Variants in FRYL observed in about 807,000 individuals in gnomAD.
FRYL encodes FRY like transcription coactivator.
FRYL carries 150 observed loss-of-function variants against 351.2 expected under a neutral mutation model. That is an observed-to-expected ratio of 0.43 (90% CI 0.37 to 0.49). The LOEUF (loss-of-function observed/expected upper bound fraction) is 0.49. Ranked by LOEUF, FRYL falls within the 20% of genes least tolerant of loss-of-function variation. FRYL has a pLI of 0.00. For synonymous variants in FRYL, 1,153 were observed against 1,257.1 expected, an observed-to-expected ratio of 0.92 and a Z score of 1.75; for missense variants, 3,036 against 3,619.3, an observed-to-expected ratio of 0.84 and a Z score of 4.13.
chr4:48,548,841 C>A, intron 39 of FRYL, 48 bp from the exon 40 acceptor site: 2 of 1,063,410 alleles, frequency 1.9e-6, no homozygotes, highest in Non-Finnish European at 2.8e-6. Context: ...TCTCAGTAAA[C>A]CTAGAGAGAA....
At chr4:48,675,760 T>G (rs975244730) in intron 3 of FRYL, among the ~76,000 whole-genome samples, 1 of 152,212 alleles carries the variant, frequency 6.6e-6, no homozygotes, top group Non-Finnish European at 1.5e-5. Flanking sequence ...CAGCTCCACC[T>G]GCAGCCCCTG....
At chr4:48,657,904 G>C (rs1266913437) in intron 3 of FRYL, among the ~76,000 whole-genome samples, 1 of 152,198 alleles carries the variant, frequency 6.6e-6, no homozygotes, top group African/African-American at 2.4e-5. Context: ...CAACGAGTTA[G>C]AAAGTAGGTT....
intron 2 of FRYL, among the ~76,000 whole-genome samples, chr4:48,705,067 G>A (rs900830554): frequency 2.0e-5 from 3 of 152,058 alleles, no homozygotes; most frequent in African/African-American, 7.2e-5. Flanking sequence ...GTTGCAGTGA[G>A]CCGAGATCAT....
intron 1 of FRYL, among the ~76,000 whole-genome samples, chr4:48,770,092 T>G (rs1045755512): frequency 6.6e-6 from 1 of 152,174 alleles, no homozygotes; most frequent in African/African-American, 2.4e-5. Flanking sequence ...TACATACAAA[T>G]GAGCACATTA....
rs750180279 is a variant in FRYL at position 48,605,693 on chromosome 4, G to A, written c.834+48C>T. 2.5e-6 allele frequency: 3 copies of A among 1,182,002 alleles called. No homozygotes were observed. The African/African-American group carries it at 4.6e-5, about 18-fold the overall frequency. 73.2% of individuals were successfully genotyped at this position (1,182,002 alleles called of 1,614,324 possible). On this transcript the variant is annotated intron_variant, in intron 11 of 63. Coordinates refer to ENST00000358350, the MANE Select transcript of FRYL (RefSeq NM_015030.2). ...AAAAATAAAAGTATAAGGTTGATAA[G>A]GTTCTTGTATAACACACAAATGGTA...
At chr4:48,654,950 A>G (rs1758512578) in intron 3 of FRYL, among the ~76,000 whole-genome samples, 1 of 152,204 alleles carries the variant, frequency 6.6e-6, no homozygotes, top group African/African-American at 2.4e-5. Flanking sequence ...TTTTTTCCAT[A>G]TGTAGCAATA....
chr4:48,501,868 G>A (rs926545509), intron 61 of FRYL, 135 bp from the exon 62 acceptor site: 12 of 610,070 alleles, frequency 2.0e-5, no homozygotes, highest in Non-Finnish European at 3.2e-5. Flanking sequence ...TGAAGCTGAT[G>A]AAAGGCACGT....
intron 3 of FRYL, among the ~76,000 whole-genome samples, chr4:48,672,092 T>G (rs1762850853): frequency 6.6e-6 from 1 of 152,206 alleles, no homozygotes; most frequent in South Asian, 2.1e-4. Flanking sequence ...GAAGTCTTTG[T>G]AATAACAATA....
chr4:48,600,980 A>C (rs1205045171), intron 13 of FRYL, among the ~76,000 whole-genome samples: 1 of 152,158 alleles, frequency 6.6e-6, no homozygotes, highest in Non-Finnish European at 1.5e-5. Flanking sequence ...ACATTTCTCA[A>C]AGTAGTATAT....
intron 1 of FRYL, among the ~76,000 whole-genome samples, chr4:48,731,724 T>C (rs915809961): frequency 1.3e-5 from 2 of 152,174 alleles, no homozygotes; most frequent in South Asian, 2.1e-4. Context: ...GAAAACTGGC[T>C]AGCCATATGC....
At chr4:48,584,286 C>T (rs1015671048) in intron 19 of FRYL, among the ~76,000 whole-genome samples, 5 of 152,092 alleles carry the variant, frequency 3.3e-5, no homozygotes, top group African/African-American at 1.2e-4. Context: ...GCTTGGGAAG[C>T]TGGAAAAATG....
intron 2 of FRYL, among the ~76,000 whole-genome samples, chr4:48,687,908 C>T (rs1373130629): frequency 1.3e-5 from 2 of 152,058 alleles, no homozygotes; most frequent in Non-Finnish European, 2.9e-5. Context: ...AATACGAAGA[C>T]TGCTTCATAA....
At chr4:48,711,784 G>A (rs1297026240) in intron 1 of FRYL, among the ~76,000 whole-genome samples, 1 of 152,204 alleles carries the variant, frequency 6.6e-6, no homozygotes. Context: ...CCTGACCCCT[G>A]ACCCCCCGAG....
chr4:48,621,362 T>C (rs1750611517), intron 5 of FRYL, among the ~76,000 whole-genome samples: 1 of 152,194 alleles, frequency 6.6e-6, no homozygotes, highest in Non-Finnish European at 1.5e-5. Flanking sequence ...AAATGATAAG[T>C]GTACTGTGAT....
chr4:48,564,073 C>T lies in FRYL; in HGVS notation c.3471G>A (p.Thr1157=), dbSNP rs768716356. The change falls in exon 31 of 64, where the codon ACG becomes ACA. Residue 1157 remains threonine, a synonymous_variant. Coordinates refer to ENST00000358350, the MANE Select transcript of FRYL (RefSeq NM_015030.2). ...KVHQLGCEAV[T]LLLELNPDQS... ...GATCAGGGTTCAGCTCCAGTAACAA[C>T]GTAACTGCTTCACAGCCCAGCTGGT... is the stretch of plus-strand genomic sequence containing the variant. 2.9e-5 allele frequency: 47 copies of T among 1,614,024 alleles called. No individual in the cohort carries two copies. Among genetic ancestry groups the T allele is most frequent in the East Asian group, 2.0e-4 (9 of 44,894 alleles).
At chr4:48,747,608 T>G (rs1417383381) in intron 1 of FRYL, among the ~76,000 whole-genome samples, 1 of 152,232 alleles carries the variant, frequency 6.6e-6, no homozygotes, top group Non-Finnish European at 1.5e-5. Context: ...ATAAAAGTTG[T>G]GAAGAATCCT....
chr4:48,679,270 G>T (rs1764254786), intron 3 of FRYL, among the ~76,000 whole-genome samples: 1 of 151,990 alleles, frequency 6.6e-6, no homozygotes, highest in African/African-American at 2.4e-5. Context: ...GTACACACTA[G>T]ACATCAATAT....
intron 1 of FRYL, among the ~76,000 whole-genome samples, chr4:48,747,084 A>G (rs1457892781): frequency 6.6e-6 from 1 of 152,210 alleles, no homozygotes; most frequent in African/African-American, 2.4e-5. Context: ...CCCTGATCCT[A>G]CAATGGGCTG....
chr4:48,630,322 T>C (rs1221700913), intron 4 of FRYL, among the ~76,000 whole-genome samples: 2 of 152,172 alleles, frequency 1.3e-5, no homozygotes, highest in African/African-American at 4.8e-5. Context: ...AAATGCAGTT[T>C]GGAAGAAACT....
Sources: gnomAD v4.1 joint callset for allele counts (sites outside exome capture counted in the v4.1 genomes callset) on GRCh38, gnomAD v4.1.1 for gene constraint, MANE v1.5 for transcripts, NCBI Gene and HGNC (gene_info 2026-07-23, HGNC 2026-07-21) for gene names.